ROBO2: variants seen among roughly 807,000 people sequenced by gnomAD.
The protein encoded by ROBO2 is roundabout homolog 2.
In ROBO2, 53 loss-of-function variants were observed where a neutral mutation model predicts 160.8. The observed-to-expected ratio is 0.33, with a 90% CI of 0.26 to 0.41. The LOEUF is 0.41. ROBO2 is among the 10% of genes least tolerant of loss of function. The probability of loss-of-function intolerance (pLI) is 1.00; values close to 1 mark genes in which losing one functional copy is unlikely to be tolerated. For missense variants in ROBO2, 1,577 were observed against 1,722.4 expected, an observed-to-expected ratio of 0.92 and a Z score of 1.49; for synonymous variants, 664 against 611.7, an observed-to-expected ratio of 1.09 and a Z score of -1.26.
intron 2 of ROBO2, among the ~76,000 whole-genome samples, chr3:76,061,803 AG>A (rs1257482689): frequency 6.6e-6 from 1 of 152,172 alleles, no homozygotes; most frequent in African/African-American, 2.4e-5. Flanking sequence ...GCTCAAATCA[AG>A]GTATCAGCAG....
In ROBO2 at chr3:77,069,851, G is replaced by A. The variant is rs192621836; in HGVS notation, c.62-28163G>A. ...CTTTCTCTGAAGGCTCTAGGGAAGA[G>A]CGCTGATATGTGTTGAATTGTGTCC... On this transcript the variant is annotated intron_variant, in intron 1 of 25. Coordinates refer to ENST00000461745, the Ensembl canonical transcript of ROBO2. Among the ~76,000 whole-genome samples, 109 of 152,238 alleles carry A rather than the reference G, an allele frequency of 7.2e-4. 2 individuals carry two copies. In the East Asian group the frequency reaches 0.02, roughly 28 times the overall value.
intron 2 of ROBO2, among the ~76,000 whole-genome samples, chr3:77,244,607 C>T (rs778354958): frequency 2.6e-4 from 39 of 152,070 alleles, no homozygotes; most frequent in Admixed American, 5.9e-4. Flanking sequence ...AGGCCAGGCG[C>T]GGTGGCTCAT....
chr3:76,680,271 G>A (rs2092522404), intron 2 of ROBO2, among the ~76,000 whole-genome samples: 1 of 151,028 alleles, frequency 6.6e-6, no homozygotes, highest in African/African-American at 2.4e-5. Flanking sequence ...CCCAAGCACT[G>A]CCTGAATATT....
chr3:76,448,037 T>G (rs892666638), intron 2 of ROBO2, among the ~76,000 whole-genome samples: 4 of 151,038 alleles, frequency 2.6e-5, no homozygotes, highest in African/African-American at 9.8e-5. Flanking sequence ...GAACTTAAAG[T>G]ATATATATAA....
intron 2 of ROBO2, among the ~76,000 whole-genome samples, chr3:75,995,955 A>G (rs1004828219): frequency 2.6e-5 from 4 of 152,102 alleles, no homozygotes. Flanking sequence ...GAATGGGTGC[A>G]TTTACCCAAT....
chr3:76,479,947 G>C (rs752307970), intron 2 of ROBO2, among the ~76,000 whole-genome samples: 7 of 152,042 alleles, frequency 4.6e-5, no homozygotes, highest in Non-Finnish European at 7.4e-5. Flanking sequence ...GAATGAAGTT[G>C]GTAATTAGTG....
intron 2 of ROBO2, among the ~76,000 whole-genome samples, chr3:77,344,268 T>C (rs1197856833): frequency 6.6e-6 from 1 of 152,166 alleles, no homozygotes; most frequent in African/African-American, 2.4e-5. Context: ...AAATATTTTT[T>C]TCTTAAAATA....
intron 2 of ROBO2, among the ~76,000 whole-genome samples, chr3:77,345,593 C>T (rs2067543265): frequency 6.6e-6 from 1 of 152,158 alleles, no homozygotes; most frequent in African/African-American, 2.4e-5. Flanking sequence ...TCATAACTCA[C>T]ACAACTATCT....
At position 77,622,492 on chromosome 3, in the gene ROBO2, AG is replaced by A. The variant is rs1454429318; in HGVS notation, c.3760+61del. ...ATTGGTAACATTAAAATGCATCAAAAGTCAACTACTTCCTTATTGTAAGATT... is the reference window on the plus strand; with the variant it reads ...ATTGGTAACATTAAAATGCATCAAAATCAACTACTTCCTTATTGTAAGATT... On this transcript the variant is annotated intron_variant, in intron 23 of 25. Transcript: ENST00000461745. 3.0e-5 allele frequency: 41 copies of A among 1,349,488 alleles called. No homozygotes were observed. The African/African-American group carries it at 4.2e-4, about 14-fold the overall frequency. The allele number at this position is 1,349,488 out of a possible 1,614,324, so 83.6% of individuals were successfully genotyped here.
At chr3:76,212,428 TAGAA>T (rs1335407834) in intron 2 of ROBO2, among the ~76,000 whole-genome samples, 1 of 151,984 alleles carries the variant, frequency 6.6e-6, no homozygotes, top group Non-Finnish European at 1.5e-5. Context: ...CAGGCTAAAA[TAGAA>T]ATCAGAAAAT....
chr3:77,252,831 A>AAT (rs1553872376), intron 2 of ROBO2, among the ~76,000 whole-genome samples: 1,221 of 12,570 alleles, frequency 0.097, 138 homozygotes, highest in East Asian at 0.43. Flanking sequence ...AAAAAAAAAA[A>AAT]ATATATATAT....
At chr3:76,403,363 T>C (rs1456823091) in intron 2 of ROBO2, among the ~76,000 whole-genome samples, 1 of 151,702 alleles carries the variant, frequency 6.6e-6, no homozygotes, top group East Asian at 1.9e-4. Context: ...TAAAAATATT[T>C]GTCTATGTTA....
chr3:77,405,236 T>G (rs2076163592), intron 2 of ROBO2, among the ~76,000 whole-genome samples: 1 of 152,182 alleles, frequency 6.6e-6, no homozygotes, highest in African/African-American at 2.4e-5. Flanking sequence ...AATATGATAG[T>G]GTATGAATGT....
intron 2 of ROBO2, among the ~76,000 whole-genome samples, chr3:76,622,133 C>G (rs5019079): frequency 0.39 from 56,681 of 143,898 alleles, 11,700 homozygotes; most frequent in South Asian, 0.51. Flanking sequence ...TGATTGGGCT[C>G]TAGAGTTTGC....
At chr3:75,999,345 CA>C (rs1349102869) in intron 2 of ROBO2, among the ~76,000 whole-genome samples, 1 of 152,114 alleles carries the variant, frequency 6.6e-6, no homozygotes, top group East Asian at 1.9e-4. Flanking sequence ...AATCAAGGAA[CA>C]TTAAATGTCC....
intron 2 of ROBO2, among the ~76,000 whole-genome samples, chr3:77,179,645 GCTAT>G (rs946294277): frequency 3.3e-5 from 5 of 152,000 alleles, no homozygotes; most frequent in Admixed American, 6.6e-5. Context: ...CTTTTCTTTT[GCTAT>G]CTATGTCCCG....
chr3:76,392,709 GAA>G (rs2077216454), intron 2 of ROBO2, among the ~76,000 whole-genome samples: 1 of 152,086 alleles, frequency 6.6e-6, no homozygotes, highest in Non-Finnish European at 1.5e-5. Context: ...TTGTTTTATA[GAA>G]GATAGATATG....
chr3:76,259,479 G>A (rs968688321), intron 2 of ROBO2, among the ~76,000 whole-genome samples: 9 of 152,114 alleles, frequency 5.9e-5, no homozygotes, highest in African/African-American at 2.2e-4. Context: ...TTGAGAGTCA[G>A]TTCTATATAG....
intron 2 of ROBO2, among the ~76,000 whole-genome samples, chr3:76,710,928 C>T (rs949002340): frequency 3.9e-5 from 6 of 152,150 alleles, no homozygotes; most frequent in African/African-American, 1.4e-4. Context: ...ATTTATCTGT[C>T]ATTTATCAAT....
Sources: allele counts gnomAD v4.1 joint callset (sites outside exome capture counted in the v4.1 genomes callset), GRCh38; gene constraint gnomAD v4.1.1; transcripts MANE v1.5; gene names NCBI Gene and HGNC (gene_info 2026-07-23, HGNC 2026-07-21).